The following TAFA1 variants were observed in gnomAD, a reference collection of about 807,000 sequenced individuals.
TAFA1 encodes the protein TAFA chemokine like family member 1, also known as chemokine-like protein TAFA-1.
In TAFA1, 4 loss-of-function variants were observed where a neutral mutation model predicts 18.5. That is an observed-to-expected ratio of 0.22 (90% CI 0.11 to 0.49). The LOEUF is 0.49. Among genes scored for constraint, TAFA1 ranks in the 20% least tolerant of loss-of-function variants. TAFA1 has a pLI of 0.98. For missense variants in TAFA1, 147 were observed against 169.0 expected (o/e 0.87, Z 0.72); for synonymous variants, 56 against 55.2 (o/e 1.01, Z -0.06).
intron 2 of TAFA1, among the ~76,000 whole-genome samples, chr3:68,241,290 A>G (rs2066995664): frequency 6.6e-6 from 1 of 152,196 alleles, no homozygotes; most frequent in African/African-American, 2.4e-5. Flanking sequence ...AGATTTAAAT[A>G]GAAGGAAAAG....
At chr3:68,499,473 A>G (rs1166873497) in intron 3 of TAFA1, among the ~76,000 whole-genome samples, 2 of 136,712 alleles carry the variant, frequency 1.5e-5, no homozygotes, top group South Asian at 2.3e-4. Context: ...TTGAGAAGAC[A>G]TGCTACAAAC....
chr3:68,334,602 T>A (rs146764115), intron 2 of TAFA1, among the ~76,000 whole-genome samples: 1 of 152,210 alleles, frequency 6.6e-6, no homozygotes, highest in Non-Finnish European at 1.5e-5. Context: ...TGCCCTAAGA[T>A]TCTGCATTTT....
At chr3:68,102,265 A>G (rs1463467430) in intron 2 of TAFA1, among the ~76,000 whole-genome samples, 1 of 152,152 alleles carries the variant, frequency 6.6e-6, no homozygotes, top group East Asian at 1.9e-4. Context: ...TAACTCTCCT[A>G]CTATGAAAGT....
intron 3 of TAFA1, among the ~76,000 whole-genome samples, chr3:68,481,213 TGAC>T (rs1256648697): frequency 1.3e-5 from 2 of 152,226 alleles, no homozygotes; most frequent in Non-Finnish European, 2.9e-5. Flanking sequence ...CTTGATTCTG[TGAC>T]AACAAAGCCA....
intron 2 of TAFA1, among the ~76,000 whole-genome samples, chr3:68,161,202 G>C (rs765042588): frequency 6.6e-5 from 10 of 152,172 alleles, no homozygotes; most frequent in Non-Finnish European, 1.2e-4. Flanking sequence ...ATAACGCTAT[G>C]ATATGCTGGA....
rs539057507 is a variant in TAFA1 at position 68,318,630 on chromosome 3, G to A, written c.119-98650G>A. 2.0e-5 allele frequency among the ~76,000 whole-genome samples: 3 copies of A among 152,134 alleles called. No individual in the cohort carries two copies. The South Asian group carries it at 6.2e-4, about 32-fold the overall frequency. On this transcript the variant is annotated intron_variant, in intron 2 of 4. Transcript: ENST00000478136. Reference sequence around the variant, plus strand: ...TCTTGTTATGTTTTTCTTCTTCTTTGAGTGTTTAAATTACTTTGTTTCCAG... The same window carrying A: ...TCTTGTTATGTTTTTCTTCTTCTTTAAGTGTTTAAATTACTTTGTTTCCAG...
intron 2 of TAFA1, among the ~76,000 whole-genome samples, chr3:68,039,190 T>G (rs1705113792): frequency 6.6e-6 from 1 of 152,248 alleles, no homozygotes; most frequent in African/African-American, 2.4e-5. Context: ...ATAATTCATT[T>G]GCTTAATCTT....
intron 3 of TAFA1, among the ~76,000 whole-genome samples, chr3:68,499,224 T>A (rs1186490187): frequency 6.6e-6 from 1 of 151,230 alleles, no homozygotes; most frequent in Non-Finnish European, 1.5e-5. Flanking sequence ...AACAAATATC[T>A]AGGGTAGAAT....
chr3:68,364,052 A>G (rs539791660), intron 2 of TAFA1, among the ~76,000 whole-genome samples: 2 of 152,242 alleles, frequency 1.3e-5, no homozygotes, highest in South Asian at 4.1e-4. Context: ...AGTGTGTTTG[A>G]GAGTAATTGT....
At chr3:68,273,020 G>C (rs920669022) in intron 2 of TAFA1, among the ~76,000 whole-genome samples, 1 of 151,854 alleles carries the variant, frequency 6.6e-6, no homozygotes, top group Non-Finnish European at 1.5e-5. Flanking sequence ...AATTGGTGGT[G>C]GTGGGGGGGA....
intron 2 of TAFA1, among the ~76,000 whole-genome samples, chr3:68,023,100 T>C (rs1704733535): frequency 1.3e-5 from 2 of 151,844 alleles, no homozygotes; most frequent in South Asian, 2.1e-4. Flanking sequence ...CCAGATCCTA[T>C]GCTGTTATAG....
intron 2 of TAFA1, among the ~76,000 whole-genome samples, chr3:68,354,372 A>G (rs2106781126): frequency 6.6e-6 from 1 of 152,070 alleles, no homozygotes; most frequent in African/African-American, 2.4e-5. Context: ...TCCATCTAGC[A>G]GTGATAAGCT....
At chr3:68,004,006 C>G (rs1242466503), upstream of TAFA1, among the ~76,000 whole-genome samples, 5 of 152,198 alleles carry the variant, frequency 3.3e-5, no homozygotes, top group African/African-American at 1.2e-4. Context: ...CTAACTCCCA[C>G]TAATACTATC....
intron 2 of TAFA1, among the ~76,000 whole-genome samples, chr3:68,065,758 A>G (rs939442513): frequency 4.1e-5 from 6 of 145,832 alleles, no homozygotes; most frequent in African/African-American, 1.6e-4. Context: ...ATATATATAT[A>G]TATATATACA....
chr3:68,295,882 T>C (rs1164585383), intron 2 of TAFA1, among the ~76,000 whole-genome samples: 1 of 152,180 alleles, frequency 6.6e-6, no homozygotes. Flanking sequence ...ATTCCTGGCA[T>C]TATAAGCATG....
intron 2 of TAFA1, among the ~76,000 whole-genome samples, chr3:68,030,670 G>A (rs1704915988): frequency 6.6e-6 from 1 of 152,150 alleles, no homozygotes; most frequent in Admixed American, 6.5e-5. Flanking sequence ...ATCATTGGTG[G>A]GCATTTGGGT....
intron 2 of TAFA1, among the ~76,000 whole-genome samples, chr3:68,212,133 C>T (rs538205471): frequency 6.6e-6 from 1 of 151,656 alleles, no homozygotes; most frequent in Non-Finnish European, 1.5e-5. Flanking sequence ...GACTCAAGAA[C>T]AACAGCCTGA....
intron 2 of TAFA1, among the ~76,000 whole-genome samples, chr3:68,166,447 T>C (rs2065982945): frequency 6.6e-6 from 1 of 152,082 alleles, no homozygotes; most frequent in Non-Finnish European, 1.5e-5. Flanking sequence ...CAGAGTTAAG[T>C]CCTCTTTCCC....
At chr3:68,395,707 G>C (rs904889380) in intron 2 of TAFA1, among the ~76,000 whole-genome samples, 8 of 152,072 alleles carry the variant, frequency 5.3e-5, no homozygotes, top group Admixed American at 1.3e-4. Flanking sequence ...AACACAGGAA[G>C]AGAAAACCAA....
Sources: allele counts gnomAD v4.1 joint callset (sites outside exome capture counted in the v4.1 genomes callset), GRCh38; gene constraint gnomAD v4.1.1; transcripts MANE v1.5; gene names NCBI Gene and HGNC (gene_info 2026-07-23, HGNC 2026-07-21).